The following LRRC63 variants were observed in gnomAD, a reference collection of about 807,000 sequenced individuals.
LRRC63 encodes the protein leucine-rich repeat-containing protein 63.
A neutral mutation model predicts 49.5 loss-of-function variants in LRRC63; 40 were observed. The observed-to-expected ratio is 0.81, with a 90% CI of 0.63 to 1.05. The LOEUF is 1.05. LRRC63 is among the 50% of genes least tolerant of loss of function. The pLI, the probability that LRRC63 is intolerant of heterozygous loss-of-function variation, is 0.00. For missense variants in LRRC63, 636 were observed against 663.1 expected, an observed-to-expected ratio of 0.96 and a Z score of 0.45; for synonymous variants, 191 against 221.1, an observed-to-expected ratio of 0.86 and a Z score of 1.21.
At chr13:46,229,931 AC>A (rs1462203432) in intron 4 of LRRC63, among the ~76,000 whole-genome samples, 1 of 152,092 alleles carries the variant, frequency 6.6e-6, no homozygotes, top group Non-Finnish European at 1.5e-5. Context: ...GGGAGCTTGA[AC>A]ATCACATGAT....
At chr13:46,236,810 TTTTC>T (rs1280610459) in intron 5 of LRRC63, among the ~76,000 whole-genome samples, 7 of 152,210 alleles carry the variant, frequency 4.6e-5, no homozygotes, top group African/African-American at 7.2e-5. Flanking sequence ...TTATATTACT[TTTTC>T]TTTCTTATAT....
intron 9 of LRRC63, chr13:46,270,214 T>C: frequency 1.2e-6 from 1 of 850,702 alleles, no homozygotes; most frequent in Non-Finnish European, 2.1e-6. Flanking sequence ...ACCGAATATG[T>C]GTCATCACAT....
intron 5 of LRRC63, among the ~76,000 whole-genome samples, chr13:46,244,150 C>T (rs2047145650): frequency 6.6e-6 from 1 of 152,082 alleles, no homozygotes. Context: ...TAAATAAATA[C>T]ATTAATCATA....
At chr13:46,258,610 CCAT>C (rs2047560511) in intron 7 of LRRC63, among the ~76,000 whole-genome samples, 1 of 150,222 alleles carries the variant, frequency 6.7e-6, no homozygotes, top group African/African-American at 2.4e-5. Flanking sequence ...GAGATCGAGA[CCAT>C]CCTGGCCAAC....
intron 2 of LRRC63, among the ~76,000 whole-genome samples, chr13:46,219,449 A>G (rs895359580): frequency 8.5e-5 from 13 of 152,188 alleles, no homozygotes; most frequent in African/African-American, 2.9e-4. Context: ...TTTCAGCTCC[A>G]TCAGTTCATT....
At chr13:46,266,688 T>C in intron 8 of LRRC63, 45 bp from the exon 9 acceptor site, 1 of 1,440,834 alleles carries the variant, frequency 6.9e-7, no homozygotes, top group Non-Finnish European at 9.2e-7. Context: ...TTTAATATTA[T>C]GAATTGTATA....
At chr13:46,243,682 G>A (rs959635718) in intron 5 of LRRC63, among the ~76,000 whole-genome samples, 1 of 152,280 alleles carries the variant, frequency 6.6e-6, no homozygotes, top group Non-Finnish European at 1.5e-5. Context: ...AAAACCAAGA[G>A]GACGGGCTGG....
chr13:46,269,577 G>A (rs1471586202), intron 9 of LRRC63, among the ~76,000 whole-genome samples: 2 of 151,954 alleles, frequency 1.3e-5, no homozygotes, highest in Non-Finnish European at 2.9e-5. Flanking sequence ...AAACTTTAAA[G>A]CTTTTACAAG....
At chr13:46,252,908 G>A (rs2047421253) in intron 7 of LRRC63, among the ~76,000 whole-genome samples, 1 of 152,020 alleles carries the variant, frequency 6.6e-6, no homozygotes, top group Admixed American at 6.6e-5. Context: ...TATGAGCTAA[G>A]GTAAAGAATT....
chr13:46,225,326 T>C (rs937669014), intron 2 of LRRC63, among the ~76,000 whole-genome samples: 2 of 152,184 alleles, frequency 1.3e-5, no homozygotes, highest in African/African-American at 4.8e-5. Flanking sequence ...CATGTTACAC[T>C]GTGAGGTTGT....
intron 2 of LRRC63, among the ~76,000 whole-genome samples, chr13:46,221,591 T>C (rs956651598): frequency 6.6e-6 from 1 of 152,226 alleles, no homozygotes; most frequent in African/African-American, 2.4e-5. Context: ...ATTTTTATTT[T>C]CCCATTTTGT....
intron 2 of LRRC63, among the ~76,000 whole-genome samples, chr13:46,225,145 T>C (rs2046532500): frequency 6.6e-6 from 1 of 152,228 alleles, no homozygotes; most frequent in South Asian, 2.1e-4. Flanking sequence ...AATGACCCTC[T>C]GGGTCCTGCA....
intron 5 of LRRC63, among the ~76,000 whole-genome samples, chr13:46,244,223 G>T (rs559854344): frequency 6.6e-6 from 1 of 152,224 alleles, no homozygotes; most frequent in South Asian, 2.1e-4. Flanking sequence ...CAAAAGGTTG[G>T]AAGGGGCTAA....
At chr13:46,256,540 G>A (rs988026616) in intron 7 of LRRC63, among the ~76,000 whole-genome samples, 1 of 152,182 alleles carries the variant, frequency 6.6e-6, no homozygotes, top group African/African-American at 2.4e-5. Context: ...AAAATTGCTT[G>A]GAATTGGTAA....
At chr13:46,213,143 G>A in intron 2 of LRRC63, 24 bp downstream of exon 2, 1 of 1,397,032 alleles carries the variant, frequency 7.2e-7, no homozygotes, top group African/African-American at 1.5e-5. Context: ...TCAGATATGT[G>A]TATTAACATT....
chr13:46,222,193 T>C (rs79907928), intron 2 of LRRC63, among the ~76,000 whole-genome samples: 1,810 of 152,250 alleles, frequency 0.012, 34 homozygotes, highest in African/African-American at 0.041. Context: ...CCTAAGGGGA[T>C]TTTTTGTTTT....
intron 4 of LRRC63, among the ~76,000 whole-genome samples, chr13:46,230,695 G>A (rs569422169): frequency 6.6e-6 from 1 of 152,312 alleles, no homozygotes; most frequent in Non-Finnish European, 1.5e-5. Context: ...TCTCTAGCAA[G>A]TGGTTACTCT....
exon 7 of LRRC63, chr13:46,250,441 C>T: frequency 6.5e-7 from 1 of 1,536,420 alleles, no homozygotes; most frequent in Non-Finnish European, 8.8e-7. Flanking sequence ...AACTTGAGTT[C>T]CTTAGAATTT....
At chr13:46,273,601 TAAAAAAAA>T (rs66994107) in intron 9 of LRRC63, among the ~76,000 whole-genome samples, 2 of 109,486 alleles carry the variant, frequency 1.8e-5, no homozygotes, top group South Asian at 6.3e-4. Flanking sequence ...GAATCTGCCT[TAAAAAAAA>T]AAAAAAAAAA....
Sources: gnomAD v4.1 joint callset for allele counts (sites outside exome capture counted in the v4.1 genomes callset) on GRCh38, gnomAD v4.1.1 for gene constraint, MANE v1.5 for transcripts, NCBI Gene and HGNC (gene_info 2026-07-23, HGNC 2026-07-21) for gene names.